Variants in TRPS1 observed in about 807,000 individuals in gnomAD.
TRPS1 encodes the protein zinc finger transcription factor Trps1.
Under a neutral mutation model 101.2 loss-of-function variants are expected in TRPS1, and 6 were observed. That is an observed-to-expected ratio of 0.06 (90% CI 0.03 to 0.12). The LOEUF is 0.12. Ranked by LOEUF, TRPS1 falls within the 10% of genes least tolerant of loss-of-function variation. The pLI, the probability that TRPS1 is intolerant of heterozygous loss-of-function variation, is 1.00. For synonymous variants in TRPS1, 578 were observed against 589.8 expected (o/e 0.98, Z 0.29); for missense variants, 1,363 against 1,567.0 (o/e 0.87, Z 2.20).
chr8:115,623,459 G>C (rs1818441706), intron 2 of TRPS1, 142 bp downstream of exon 2: 5 of 845,496 alleles, frequency 5.9e-6, no homozygotes, highest in South Asian at 3.7e-5. Flanking sequence ...AACTCCCCTA[G>C]CGAGTCGTAA....
chr8:115,451,785 C>T (rs993953915), intron 5 of TRPS1, among the ~76,000 whole-genome samples: 1 of 152,144 alleles, frequency 6.6e-6, no homozygotes, highest in African/African-American at 2.4e-5. Flanking sequence ...AGGCAATGAG[C>T]CTCATGTGGC....
At chr8:115,631,963 T>C (rs893348062) in intron 1 of TRPS1, among the ~76,000 whole-genome samples, 1 of 152,118 alleles carries the variant, frequency 6.6e-6, no homozygotes, top group Non-Finnish European at 1.5e-5. Flanking sequence ...TTTTTTAAAA[T>C]GGTAAATCAC....
At position 115,538,417 on chromosome 8, in the gene TRPS1, G is replaced by C. The variant is rs3808432; in HGVS notation, c.2700+48584C>G. On this transcript the variant is annotated intron_variant, in intron 5 of 6. Coordinates refer to ENST00000395715, the MANE Select transcript of TRPS1 (RefSeq NM_014112.5). ...GCACATTTTACCGACTATCTTGCTA[G>C]CAAATTTGGAAAATGTTCATGAATT... Among the ~76,000 whole-genome samples the C allele has an allele frequency of 1.2e-4, 19 of 152,216 alleles. No homozygotes were observed. In the East Asian group the frequency reaches 3.5e-3, roughly 28 times the overall value.
intron 5 of TRPS1, among the ~76,000 whole-genome samples, chr8:115,540,075 T>C (rs1434166049): frequency 6.6e-6 from 1 of 152,242 alleles, no homozygotes; most frequent in Non-Finnish European, 1.5e-5. Context: ...CTATCCCACA[T>C]TCTTTTCTCA....
intron 5 of TRPS1, among the ~76,000 whole-genome samples, chr8:115,496,119 T>C (rs1248849765): frequency 6.6e-6 from 1 of 152,160 alleles, no homozygotes; most frequent in Non-Finnish European, 1.5e-5. Flanking sequence ...TCCTGTGCTG[T>C]TTCTAAAAAT....
chr8:115,583,748 T>A (rs1457257057), intron 5 of TRPS1, among the ~76,000 whole-genome samples: 1 of 151,948 alleles, frequency 6.6e-6, no homozygotes, highest in Admixed American at 6.6e-5. Context: ...AGCACAGAAG[T>A]CAACACAGAG....
intron 5 of TRPS1, among the ~76,000 whole-genome samples, chr8:115,524,680 C>T (rs1412304646): frequency 6.6e-6 from 1 of 152,072 alleles, no homozygotes; most frequent in East Asian, 1.9e-4. Flanking sequence ...TTAATATCAA[C>T]TCTTACTCTC....
intron 1 of TRPS1, among the ~76,000 whole-genome samples, chr8:115,646,654 A>C (rs965546007): frequency 6.6e-6 from 1 of 152,188 alleles, no homozygotes; most frequent in African/African-American, 2.4e-5. Flanking sequence ...TATTACTTGA[A>C]TATTAAAGCC....
chr8:115,507,174 G>T (rs1815466457), intron 5 of TRPS1, among the ~76,000 whole-genome samples: 2 of 152,152 alleles, frequency 1.3e-5, no homozygotes, highest in South Asian at 2.1e-4. Context: ...ATGGATCAAA[G>T]AATTCATGTC....
chr8:115,580,055 G>C (rs1276181181), intron 5 of TRPS1, among the ~76,000 whole-genome samples: 2 of 151,718 alleles, frequency 1.3e-5, no homozygotes, highest in East Asian at 1.9e-4. Flanking sequence ...AAGGAAAAAG[G>C]GTCTTCAAAC....
intron 1 of TRPS1, among the ~76,000 whole-genome samples, chr8:115,653,227 A>C (rs1811603596): frequency 6.6e-6 from 1 of 152,228 alleles, no homozygotes; most frequent in South Asian, 2.1e-4. Flanking sequence ...AGAAAAACTA[A>C]GGCTCATAAG....
At chr8:115,422,409 C>T (rs867804366) in intron 5 of TRPS1, among the ~76,000 whole-genome samples, 23 of 151,988 alleles carry the variant, frequency 1.5e-4, no homozygotes, top group African/African-American at 5.3e-4. Context: ...CTCTGTTGCC[C>T]AGGCTGGAGG....
At chr8:115,635,210 C>T (rs1818740865) in intron 1 of TRPS1, among the ~76,000 whole-genome samples, 1 of 152,200 alleles carries the variant, frequency 6.6e-6, no homozygotes, top group Non-Finnish European at 1.5e-5. Context: ...AAAAGTCCTA[C>T]ACTTTATCCA....
At chr8:115,479,330 T>G (rs1486044508) in intron 5 of TRPS1, among the ~76,000 whole-genome samples, 1 of 152,102 alleles carries the variant, frequency 6.6e-6, no homozygotes, top group African/African-American at 2.4e-5. Context: ...AAGTGAAAAA[T>G]TATTAAGTGA....
At chr8:115,460,892 T>C (rs17801310) in intron 5 of TRPS1, among the ~76,000 whole-genome samples, 38,653 of 152,104 alleles carry the variant, frequency 0.25, 5,832 homozygotes, top group Middle Eastern at 0.45. Context: ...CATATTAGAA[T>C]GAATTTATCT....
chr8:115,455,268 G>T (rs1192637133), intron 5 of TRPS1, among the ~76,000 whole-genome samples: 1 of 152,168 alleles, frequency 6.6e-6, no homozygotes, highest in Non-Finnish European at 1.5e-5. Flanking sequence ...GTGTACCTCC[G>T]TAAGACATTT....
chr8:115,537,930 G>T lies in TRPS1; in HGVS notation c.2700+49071C>A, dbSNP rs530603407. Among the ~76,000 whole-genome samples, 16 of 152,194 alleles carry T rather than the reference G, an allele frequency of 1.1e-4. No individual in the cohort carries two copies. In the East Asian group the frequency reaches 2.9e-3, roughly 28 times the overall value. The stretch of plus-strand genomic sequence containing the variant: ...ATTGCTTGGTGCTATGTTGACTACT[G>T]GGAATGAACCACAAGATACATCACT... On this transcript the variant is annotated intron_variant, in intron 5 of 6. Transcript: ENST00000395715.
At chr8:115,651,376 C>T (rs1033462225) in intron 1 of TRPS1, among the ~76,000 whole-genome samples, 1 of 152,182 alleles carries the variant, frequency 6.6e-6, no homozygotes, top group South Asian at 2.1e-4. Flanking sequence ...TATATTAGGG[C>T]AAACATCAAG....
intron 2 of TRPS1, among the ~76,000 whole-genome samples, chr8:115,621,480 C>T (rs762978588): frequency 2.0e-5 from 3 of 152,170 alleles, no homozygotes; most frequent in Non-Finnish European, 4.4e-5. Context: ...GACAAGTGTA[C>T]CTTTGCTTCT....
Sources: allele counts gnomAD v4.1 joint callset (sites outside exome capture counted in the v4.1 genomes callset), GRCh38; gene constraint gnomAD v4.1.1; transcripts MANE v1.5; gene names NCBI Gene and HGNC (gene_info 2026-07-23, HGNC 2026-07-21).